The following HSPA4 variants were observed in gnomAD, a reference collection of about 807,000 sequenced individuals.
The protein encoded by HSPA4 is heat shock protein family A (Hsp70) member 4, also known as heat shock 70 kDa protein 4.
HSPA4 carries 25 observed loss-of-function variants against 106.2 expected under a neutral mutation model. The observed-to-expected ratio is 0.24, with a 90% CI of 0.17 to 0.33. HSPA4 has a LOEUF of 0.33. Ranked by LOEUF, HSPA4 falls within the 10% of genes least tolerant of loss-of-function variation. The pLI is 1.00. For synonymous variants in HSPA4, 332 were observed against 333.6 expected, an observed-to-expected ratio of 1.00 and a Z score of 0.05; for missense variants, 841 against 996.0, an observed-to-expected ratio of 0.84 and a Z score of 2.10.
At chr5:133,091,024 G>A in intron 11 of HSPA4, 169 bp from the exon 12 acceptor site, 1 of 709,644 alleles carries the variant, frequency 1.4e-6, no homozygotes, top group Non-Finnish European at 2.6e-6. Context: ...AGAAGAAAGA[G>A]AAATCTGATG....
At chr5:133,089,256 A>G in intron 10 of HSPA4, 95 bp downstream of exon 10, 1 of 728,536 alleles carries the variant, frequency 1.4e-6, no homozygotes, top group South Asian at 2.3e-5. Flanking sequence ...ATAAATCTGT[A>G]ACATTTTATC....
In HSPA4 at chr5:133,073,341, C is replaced by T. The variant is rs73788295; in HGVS notation, c.529+12C>T. ...TGAAACCACTGCAGGTAAGGAGGAC[C>T]GTTGATTATTTTTTTGACTTGGTTA... On this transcript the variant is annotated intron_variant, in intron 5 of 18. Transcript: ENST00000304858. The T allele has an allele frequency of 4.2e-3, 6,402 of 1,526,270 alleles. 197 individuals are homozygous for T. The African/African-American group carries it at 0.073, about 17-fold the overall frequency. 94.5% of individuals were successfully genotyped at this position (1,526,270 alleles called of 1,614,324 possible). A position where few individuals can be genotyped will look rare whatever the true frequency, so the allele number is the denominator to read the frequency against.
Position 133,074,070 on chromosome 5 carries a change from A to C in HSPA4, c.607A>C (p.Met203Leu), listed in dbSNP as rs759508272. The C allele has an allele frequency of 6.2e-7, 1 of 1,607,576 alleles. No individual in the cohort carries two copies. The highest frequency in any genetic ancestry group is 8.5e-7 in the Non-Finnish European group (1 of 1,176,576). The stretch of plus-strand genomic sequence containing the variant: ...ACCAAGAAATGTAGTTTTTGTAGAC[A>C]TGGGCCACTCTGCTTATCAAGTTTC... ...EKPRNVVFVD[M>L]GHSAYQVSVC... Residue 203 changes from methionine (M) to leucine (L), a missense_variant, in exon 6 of 19, where the codon ATG (methionine) becomes CTG (leucine). Coordinates refer to ENST00000304858, the MANE Select transcript of HSPA4 (RefSeq NM_002154.4).
chr5:133,066,982 G>A (rs1765315290), intron 2 of HSPA4, among the ~76,000 whole-genome samples: 1 of 152,012 alleles, frequency 6.6e-6, no homozygotes, highest in South Asian at 2.1e-4. Flanking sequence ...AAAGTGCTGG[G>A]ATTACAGGCG....
chr5:133,076,819 A>T lies in HSPA4; in HGVS notation c.829A>T (p.Met277Leu), dbSNP rs931329734. 11 of 1,612,828 alleles carry T rather than the reference A, an allele frequency of 6.8e-6. No individual in the cohort carries two copies. Among genetic ancestry groups the T allele is most frequent in the Non-Finnish European group, 9.3e-6 (11 of 1,178,956 alleles). Residue 277 changes from methionine to leucine, a missense_variant, in exon 7 of 19, where the codon ATG becomes TTG. Physicochemically the swap from Met to Leu is conservative, Grantham distance 15 (BLOSUM62 2). Transcript: ENST00000304858. ...SQECEKLKKL[M>L]SANASDLPLS... ...GGAGTGTGAGAAACTCAAGAAATTG[A>T]TGAGTGCAAATGCTTCAGATCTCCC...
chr5:133,073,093 A>T (rs180974327), intron 4 of HSPA4, 137 bp from the exon 5 acceptor site: 57 of 584,118 alleles, frequency 9.8e-5, no homozygotes, highest in African/African-American at 9.7e-4. Context: ...AAATATTCTA[A>T]CTTTTCCCTA....
At chr5:133,078,547 A>C (rs1027765311) in intron 7 of HSPA4, among the ~76,000 whole-genome samples, 1 of 149,398 alleles carries the variant, frequency 6.7e-6, no homozygotes, top group African/African-American at 2.5e-5. Flanking sequence ...AGGCAGGAGA[A>C]TCGCTTGAAC....
Position 133,089,653 on chromosome 5 carries a change from T to G in HSPA4, c.1336T>G (p.Tyr446Asp). ...GGAACCTTTCACTCTTGAGGCCTAC[T>G]ACAGCTCTCCTCAGGATTTGCCCTA... ...RKEPFTLEAYYSSPQDLPYPD... is the reference protein window; with the variant it reads ...RKEPFTLEAYDSSPQDLPYPD... The change falls in exon 11 of 19, where the codon TAC (tyrosine) becomes GAC (aspartate). Residue 446 changes from tyrosine to aspartate, a missense_variant. Around this residue, in one of 5 missense-constraint regions of HSPA4, gnomAD observed 162 missense variants for 177.7 expected, o/e 0.91. Coordinates refer to ENST00000304858, the MANE Select transcript of HSPA4 (RefSeq NM_002154.4). 5 of 1,611,298 alleles carry G rather than the reference T, an allele frequency of 3.1e-6. No homozygotes were observed. The highest frequency in any genetic ancestry group is 4.2e-6 in the Non-Finnish European group (5 of 1,178,406).
At chr5:133,089,541 T>C (rs754190791) in intron 10 of HSPA4, 21 bp from the exon 11 acceptor site, 7 of 1,610,570 alleles carry the variant, frequency 4.3e-6, no homozygotes, top group Non-Finnish European at 5.9e-6. Flanking sequence ...ATTTGTGTTT[T>C]TGTCTTTTTC....
At chr5:133,072,562 A>ATTTTTTTT (rs1221515710) in intron 4 of HSPA4, among the ~76,000 whole-genome samples, 1 of 130,116 alleles carries the variant, frequency 7.7e-6, no homozygotes. Context: ...CTAGTGGTTT[A>ATTTTTTTT]TTTTTTTTTT....
intron 6 of HSPA4, among the ~76,000 whole-genome samples, chr5:133,074,790 A>C (rs1016602906): frequency 6.6e-6 from 1 of 152,190 alleles, no homozygotes; most frequent in Non-Finnish European, 1.5e-5. Context: ...GAAGGCAAGG[A>C]GGGGCCAGAG....
intron 11 of HSPA4, 33 bp downstream of exon 11, chr5:133,089,728 A>AG: frequency 6.7e-7 from 1 of 1,484,806 alleles, no homozygotes; most frequent in Non-Finnish European, 9.0e-7. Context: ...AAAAAGAAAA[A>AG]AAAAAAAAAG....
chr5:133,093,555 A>C (rs569947689), intron 13 of HSPA4, among the ~76,000 whole-genome samples: 1 of 152,064 alleles, frequency 6.6e-6, no homozygotes, highest in East Asian at 1.9e-4. Flanking sequence ...CAGTGGCATG[A>C]TCTCGGCTCA....
chr5:133,079,858 G>A (rs977033823), intron 7 of HSPA4, among the ~76,000 whole-genome samples: 8 of 152,206 alleles, frequency 5.3e-5, no homozygotes, highest in African/African-American at 1.9e-4. Context: ...TTCTCCTGCA[G>A]ATTCCTAAGG....
chr5:133,097,226 A>G lies in HSPA4; in HGVS notation c.1869A>G (p.Glu623=), dbSNP rs1581481117. 1.2e-6 allele frequency: 2 copies of G among 1,612,052 alleles called. No individual in the cohort carries two copies. Among genetic ancestry groups the G allele is most frequent in the Non-Finnish European group, 1.7e-6 (2 of 1,178,262 alleles). ...ATGATGCTAAGAACGCAGTGGAGGA[A>G]TATGTGTATGAAATGAGAGACAAGC... is the stretch of plus-strand genomic sequence containing the variant. ...ERNDAKNAVE[E]YVYEMRDKLS... is the part of the protein sequence containing the mutation. The change falls in exon 15 of 19, where the codon GAA becomes GAG. Residue 623 remains glutamate (E), a synonymous_variant. Transcript: ENST00000304858.
At position 133,104,474 on chromosome 5, in the gene HSPA4, A is replaced by T. The variant is rs1398967973; in HGVS notation, c.*38A>T. The T allele has an allele frequency of 3.2e-6, 5 of 1,556,064 alleles. No homozygotes were observed. Among genetic ancestry groups the T allele is most frequent in the Non-Finnish European group, 4.4e-6 (5 of 1,134,660 alleles). On this transcript the variant is annotated 3_prime_UTR_variant, in exon 19 of 19. Transcript: ENST00000304858. ...TTTCTATTAAAACAGACTATTATAAAGCTTTAAGTTGTCAACTTTGTTCTA... is the reference window on the plus strand; with the variant it reads ...TTTCTATTAAAACAGACTATTATAATGCTTTAAGTTGTCAACTTTGTTCTA...
intron 11 of HSPA4, among the ~76,000 whole-genome samples, chr5:133,090,430 C>CA (rs56263518): frequency 0.17 from 9,050 of 54,596 alleles, 1,495 homozygotes; most frequent in African/African-American, 0.28. Context: ...GACTCTGTCT[C>CA]AAAAAAAAAA....
intron 4 of HSPA4, among the ~76,000 whole-genome samples, chr5:133,072,488 C>T (rs1333782001): frequency 6.7e-6 from 1 of 149,746 alleles, no homozygotes; most frequent in African/African-American, 2.5e-5. Flanking sequence ...CAGCTTCCAC[C>T]TCCCAGGTTC....
intron 5 of HSPA4, 51 bp downstream of exon 5, chr5:133,073,380 T>C (rs773402313): frequency 7.8e-7 from 1 of 1,282,898 alleles, no homozygotes; most frequent in South Asian, 1.2e-5. Context: ...TTGAAGATTG[T>C]GAAATTTTAA....
Sources: allele counts gnomAD v4.1 joint callset (sites outside exome capture counted in the v4.1 genomes callset), GRCh38; gene constraint gnomAD v4.1.1; regional missense constraint gnomAD v4.1.1; transcripts MANE v1.5; gene names NCBI Gene and HGNC (gene_info 2026-07-23, HGNC 2026-07-21).